SNX29: variants seen among roughly 807,000 people sequenced by gnomAD.
SNX29 encodes the protein sorting nexin-29.
In SNX29, 78 loss-of-function variants were observed where a neutral mutation model predicts 102.1. The observed-to-expected ratio is 0.76, with a 90% CI of 0.64 to 0.92. The LOEUF is 0.92. Ranked by LOEUF, SNX29 falls within the 40% of genes least tolerant of loss-of-function variation. SNX29 has a pLI of 0.00. For missense variants in SNX29, 1,280 were observed against 1,061.7 expected (o/e 1.21, Z -2.86); for synonymous variants, 580 against 414.5 (o/e 1.40, Z -4.85).
At chr16:12,489,500 G>C (rs79499397) in intron 19 of SNX29, among the ~76,000 whole-genome samples, 70 of 152,284 alleles carry the variant, frequency 4.6e-4, no homozygotes, top group African/African-American at 1.6e-3. Flanking sequence ...CACACTGGCT[G>C]TGTGACCCTG....
At chr16:12,159,537 G>A (rs150839216) in intron 13 of SNX29, among the ~76,000 whole-genome samples, 35 of 152,244 alleles carry the variant, frequency 2.3e-4, no homozygotes, top group African/African-American at 8.4e-4. Flanking sequence ...TAGAGACATG[G>A]CTGTGTATTT....
At chr16:12,298,930 T>C (rs1472448345) in intron 15 of SNX29, among the ~76,000 whole-genome samples, 2 of 152,000 alleles carry the variant, frequency 1.3e-5, no homozygotes, top group Non-Finnish European at 2.9e-5. Flanking sequence ...TTGATTCTTT[T>C]ATTTATCCAT....
At position 12,239,830 on chromosome 16, in the gene SNX29, A is replaced by G. The variant is rs897959011; in HGVS notation, c.1679-38103A>G. Among the ~76,000 whole-genome samples, 8 of 147,942 alleles carry G rather than the reference A, an allele frequency of 5.4e-5. 1 individual carries two copies. The highest frequency in any genetic ancestry group is 6.9e-3 in the Middle Eastern group (2 of 290). On this transcript the variant is annotated intron_variant, in intron 14 of 20. Transcript: ENST00000566228. ...CTGACACCCTGTCTCAAAAAAAAAA[A>G]TCCTGATTATAAAGAAATATAAGTC...
At chr16:12,483,338 G>A (rs148239738) in intron 19 of SNX29, among the ~76,000 whole-genome samples, 1 of 136,902 alleles carries the variant, frequency 7.3e-6, no homozygotes, top group African/African-American at 2.8e-5. Context: ...TTTTTTTCCA[G>A]ACGGAGTCTT....
chr16:12,170,824 G>A (rs186948154), intron 13 of SNX29, among the ~76,000 whole-genome samples: 1 of 151,762 alleles, frequency 6.6e-6, no homozygotes, highest in African/African-American at 2.4e-5. Context: ...GTGTGACTAA[G>A]GAGTATGAGA....
intron 18 of SNX29, among the ~76,000 whole-genome samples, chr16:12,458,540 A>T (rs1414005028): frequency 6.6e-6 from 1 of 152,154 alleles, no homozygotes; most frequent in South Asian, 2.1e-4. Flanking sequence ...TTAGACAGCT[A>T]TCACTGGTCC....
At chr16:12,258,853 A>C (rs962445629) in intron 14 of SNX29, among the ~76,000 whole-genome samples, 1 of 152,146 alleles carries the variant, frequency 6.6e-6, no homozygotes, top group Non-Finnish European at 1.5e-5. Context: ...ATATATAATG[A>C]GACACCAAGG....
chr16:12,532,949 C>T lies in SNX29; in HGVS notation c.2318+8108C>T, dbSNP rs141657628. On this transcript the variant is annotated intron_variant, in intron 20 of 20. Coordinates refer to ENST00000566228, the MANE Select transcript of SNX29 (RefSeq NM_032167.5). ...TCCTCCTCTGCTGCCAAGTTGGCTG[C>T]GGACCCAGGGAGCGGGTGGCGCAGC... 3.2e-3 allele frequency among the ~76,000 whole-genome samples: 480 copies of T among 152,346 alleles called. 1 individual carries two copies. Among genetic ancestry groups the T allele is most frequent in the African/African-American group, 0.011 (458 of 41,586 alleles).
chr16:12,351,559 T>C (rs2081993332), intron 15 of SNX29, among the ~76,000 whole-genome samples: 1 of 152,212 alleles, frequency 6.6e-6, no homozygotes, highest in South Asian at 2.1e-4. Context: ...CATTCTGATA[T>C]GAAAGGAAAT....
intron 16 of SNX29, among the ~76,000 whole-genome samples, chr16:12,391,562 C>T (rs1465741277): frequency 6.6e-6 from 1 of 152,208 alleles, no homozygotes; most frequent in Non-Finnish European, 1.5e-5. Flanking sequence ...CACTTAGAGT[C>T]TACCATTAAC....
intron 13 of SNX29, among the ~76,000 whole-genome samples, chr16:12,167,338 G>A (rs1252137354): frequency 2.6e-5 from 4 of 152,116 alleles, no homozygotes; most frequent in Admixed American, 2.6e-4. Context: ...GGCTGTGGGG[G>A]CCACCTGTCT....
At chr16:12,435,954 G>T (rs1302206977) in intron 18 of SNX29, among the ~76,000 whole-genome samples, 2 of 152,206 alleles carry the variant, frequency 1.3e-5, no homozygotes, top group Non-Finnish European at 2.9e-5. Context: ...CACGTGCCGC[G>T]CGTTACTTCC....
intron 20 of SNX29, among the ~76,000 whole-genome samples, chr16:12,548,431 C>T (rs893785263): frequency 2.0e-5 from 3 of 152,242 alleles, no homozygotes; most frequent in Admixed American, 6.5e-5. Flanking sequence ...CACTGTGCCA[C>T]ATCCCTGTAC....
chr16:12,190,634 G>A (rs1022304094), intron 13 of SNX29, among the ~76,000 whole-genome samples: 5 of 152,306 alleles, frequency 3.3e-5, no homozygotes, highest in Non-Finnish European at 5.9e-5. Context: ...AAAGACACAT[G>A]GGGCAGAAAG....
rs932391298 is a variant in SNX29 at position 12,570,189 on chromosome 16, T to A, written c.*1560T>A. On this transcript the variant is annotated 3_prime_UTR_variant, in exon 21 of 21. Coordinates refer to ENST00000566228, the MANE Select transcript of SNX29 (RefSeq NM_032167.5). Reference sequence around the variant, plus strand: ...CCACCCCAGAGAAACCGAGTCAGCCTACATGACTTCCAAGGGGACCTGGGG... The same window carrying A: ...CCACCCCAGAGAAACCGAGTCAGCCAACATGACTTCCAAGGGGACCTGGGG... 9.4e-7 allele frequency: 1 copy of A among 1,065,026 alleles called. No individual in the cohort carries two copies. The highest frequency in any genetic ancestry group is 1.1e-6 in the Non-Finnish European group (1 of 878,994). 66.0% of individuals were successfully genotyped at this position (1,065,026 alleles called of 1,614,324 possible).
chr16:12,331,078 G>A (rs2081278618), intron 15 of SNX29, among the ~76,000 whole-genome samples: 1 of 152,200 alleles, frequency 6.6e-6, no homozygotes, highest in African/African-American at 2.4e-5. Flanking sequence ...GTTTGGAAGG[G>A]GGCTGTGGAT....
At chr16:12,264,768 A>G (rs944879800) in intron 14 of SNX29, among the ~76,000 whole-genome samples, 3 of 141,362 alleles carry the variant, frequency 2.1e-5, no homozygotes, top group Admixed American at 1.4e-4. Flanking sequence ...ACTCTGTTTC[A>G]AAAAAAAAAA....
At chr16:12,257,562 G>A (rs1302025790) in intron 14 of SNX29, among the ~76,000 whole-genome samples, 1 of 152,102 alleles carries the variant, frequency 6.6e-6, no homozygotes, top group Non-Finnish European at 1.5e-5. Context: ...AGCCTGGAGT[G>A]CAATGGCACA....
At chr16:12,382,647 T>TA (rs1345271434) in intron 16 of SNX29, among the ~76,000 whole-genome samples, 2 of 152,208 alleles carry the variant, frequency 1.3e-5, no homozygotes, top group Non-Finnish European at 2.9e-5. Context: ...TAAAACAACA[T>TA]ACGTTTATTT....
Sources: allele counts gnomAD v4.1 joint callset (sites outside exome capture counted in the v4.1 genomes callset), GRCh38; gene constraint gnomAD v4.1.1; transcripts MANE v1.5; gene names NCBI Gene and HGNC (gene_info 2026-07-23, HGNC 2026-07-21).